Variants in PTPN14 observed in about 807,000 individuals in gnomAD.
PTPN14 encodes protein tyrosine phosphatase non-receptor type 14, also known as tyrosine-protein phosphatase non-receptor type 14.
PTPN14 carries 53 observed loss-of-function variants against 126.8 expected under a neutral mutation model. The ratio of observed to expected loss-of-function variants is 0.42; its 90% CI spans 0.34 to 0.53. The LOEUF (loss-of-function observed/expected upper bound fraction) is 0.53, where lower values mean the gene tolerates loss of function less well. Among genes scored for constraint, PTPN14 ranks in the 20% least tolerant of loss-of-function variants. PTPN14 has a pLI of 0.08. For synonymous variants in PTPN14, 630 were observed against 599.3 expected, an observed-to-expected ratio of 1.05 and a Z score of -0.75; for missense variants, 1,257 against 1,552.9, an observed-to-expected ratio of 0.81 and a Z score of 3.20.
At chr1:214,398,338 G>A (rs1279981002) in intron 7 of PTPN14, among the ~76,000 whole-genome samples, 1 of 152,220 alleles carries the variant, frequency 6.6e-6, no homozygotes, top group Non-Finnish European at 1.5e-5. Flanking sequence ...TGGAGAATGG[G>A]AGGAATGGGG....
At position 214,521,097 on chromosome 1, in the gene PTPN14, G is replaced by GT. The variant is rs536374038; in HGVS notation, c.-155+30085dup. ...GAAATTTATCTTTGGAGAAATAACAGTTTTTTTAAAGGAAGCTCAATGCAA... is the reference window on the plus strand; with the variant it reads ...GAAATTTATCTTTGGAGAAATAACAGTTTTTTTTAAAGGAAGCTCAATGCAA... On this transcript the variant is annotated intron_variant, in intron 1 of 18. Coordinates refer to ENST00000366956, the MANE Select transcript of PTPN14 (RefSeq NM_005401.5). 8.2e-3 allele frequency among the ~76,000 whole-genome samples: 1,253 copies of GT among 152,194 alleles called. 15 individuals are homozygous for GT. The highest frequency in any genetic ancestry group is 0.029 in the African/African-American group (1,186 of 41,528).
Position 214,491,441 on chromosome 1 carries a change from G to T in PTPN14, c.-154-26484C>A, listed in dbSNP as rs1370188890. Among the ~76,000 whole-genome samples the T allele has an allele frequency of 2.0e-5, 3 of 152,136 alleles. No individual in the cohort carries two copies. The East Asian group carries it at 5.8e-4, about 29-fold the overall frequency. ...AGGAAGACAATCCTTCCACAAATGG[G>T]AGTGGGGAGCGATGGTTTTGGAATA... On this transcript the variant is annotated intron_variant, in intron 1 of 18. Coordinates refer to ENST00000366956, the MANE Select transcript of PTPN14 (RefSeq NM_005401.5).
In PTPN14 at chr1:214,421,647, T is replaced by C. The variant is rs150189093; in HGVS notation, c.345-6921A>G. Among the ~76,000 whole-genome samples the C allele has an allele frequency of 9.1e-3, 1,385 of 152,266 alleles. 19 individuals carry two copies. The highest frequency in any genetic ancestry group is 0.011 in the Non-Finnish European group (761 of 68,016). On this transcript the variant is annotated intron_variant, in intron 3 of 18. Coordinates refer to ENST00000366956, the MANE Select transcript of PTPN14 (RefSeq NM_005401.5). ...CCTAATCAGGAAAAAATCCAAACTC[T>C]TGACACAATACACCAGGCTCTTCAC...
chr1:214,462,188 A>G lies in PTPN14; in HGVS notation c.174+2442T>C, dbSNP rs553352101. 2.8e-3 allele frequency among the ~76,000 whole-genome samples: 428 copies of G among 152,332 alleles called. 2 individuals carry two copies. The highest frequency in any genetic ancestry group is 4.5e-3 in the Non-Finnish European group (305 of 68,024). On this transcript the variant is annotated intron_variant, in intron 2 of 18. Transcript: ENST00000366956. The stretch of plus-strand genomic sequence containing the variant: ...GACGTGTCAAAATAAAGTCAGTATT[A>G]AACACAAACCCCACCTCAGCAATGG...
At chr1:214,408,404 T>C (rs1196564179) in intron 5 of PTPN14, among the ~76,000 whole-genome samples, 1 of 152,164 alleles carries the variant, frequency 6.6e-6, no homozygotes, top group African/African-American at 2.4e-5. Context: ...CTCTTCTCTT[T>C]TACTCTGAAG....
chr1:214,396,785 G>C (rs1172010490), intron 8 of PTPN14, among the ~76,000 whole-genome samples: 1 of 152,306 alleles, frequency 6.6e-6, no homozygotes, highest in South Asian at 2.1e-4. Flanking sequence ...CTGTGCTGTA[G>C]GTTCAAACAG....
chr1:214,389,957 G>T (rs897713069), intron 11 of PTPN14, among the ~76,000 whole-genome samples: 1 of 152,156 alleles, frequency 6.6e-6, no homozygotes, highest in Non-Finnish European at 1.5e-5. Flanking sequence ...ATTCACACAG[G>T]CACTCAGGAA....
At chr1:214,522,087 C>G (rs558306154) in intron 1 of PTPN14, among the ~76,000 whole-genome samples, 270 of 151,812 alleles carry the variant, frequency 1.8e-3, no homozygotes, top group African/African-American at 6.4e-3. Context: ...GAGGTGTGCA[C>G]CGTCACACCC....
At chr1:214,380,146 T>C (rs1658439317) in intron 13 of PTPN14, among the ~76,000 whole-genome samples, 1 of 152,220 alleles carries the variant, frequency 6.6e-6, no homozygotes, top group Non-Finnish European at 1.5e-5. Flanking sequence ...TTCTTTCTTT[T>C]TTTTTATTTC....
intron 1 of PTPN14, among the ~76,000 whole-genome samples, chr1:214,481,187 C>T (rs372110751): frequency 6.6e-6 from 1 of 152,128 alleles, no homozygotes; most frequent in Non-Finnish European, 1.5e-5. Context: ...ACAGAAGCAA[C>T]TGCAGGGTCA....
rs60660981 is a variant in PTPN14, at chr1:214,469,660, A to AT, written c.-154-4704dup. On this transcript the variant is annotated intron_variant, in intron 1 of 18. Coordinates refer to ENST00000366956, the MANE Select transcript of PTPN14 (RefSeq NM_005401.5). ...TAGAGCCCTCATTATATTTACTGTA[A>AT]TTTTTTTTTTTAAGAGAAAGGTCCA... 7.1e-4 allele frequency among the ~76,000 whole-genome samples: 106 copies of AT among 148,978 alleles called. 1 individual carries two copies. The highest frequency in any genetic ancestry group is 6.4e-3 in the South Asian group (30 of 4,722).
Position 214,389,765 on chromosome 1 carries a change from A to G in PTPN14, c.987+1223T>C, listed in dbSNP as rs567096867. Among the ~76,000 whole-genome samples, 8 of 152,368 alleles carry G rather than the reference A, an allele frequency of 5.3e-5. No homozygotes were observed. The East Asian group carries it at 1.3e-3, about 26-fold the overall frequency. On this transcript the variant is annotated intron_variant, in intron 11 of 18. Coordinates refer to ENST00000366956, the MANE Select transcript of PTPN14 (RefSeq NM_005401.5). ...GGTGTAAATGAAAAATTATTTTGCT[A>G]ATAAAGACATCTATACTCTAAAGAA...
intron 1 of PTPN14, among the ~76,000 whole-genome samples, chr1:214,545,266 G>T (rs566856260): frequency 6.6e-6 from 1 of 152,314 alleles, no homozygotes; most frequent in East Asian, 1.9e-4. Context: ...AAGAGCAGAA[G>T]TTTATTTGGC....
At chr1:214,361,250 G>C (rs193011904) in intron 18 of PTPN14, among the ~76,000 whole-genome samples, 2 of 152,124 alleles carry the variant, frequency 1.3e-5, no homozygotes, top group Non-Finnish European at 1.5e-5. Context: ...AGAATAGTGC[G>C]TATACATGGT....
chr1:214,441,948 T>G (rs1475611233), intron 3 of PTPN14, among the ~76,000 whole-genome samples: 1 of 152,212 alleles, frequency 6.6e-6, no homozygotes, highest in African/African-American at 2.4e-5. Context: ...AAAGAACAAT[T>G]TGGAATCAAT....
chr1:214,501,490 C>T (rs1197267300), intron 1 of PTPN14, among the ~76,000 whole-genome samples: 1 of 152,108 alleles, frequency 6.6e-6, no homozygotes, highest in African/African-American at 2.4e-5. Flanking sequence ...GATCCACCCT[C>T]CTCAGCCTCC....
intron 3 of PTPN14, among the ~76,000 whole-genome samples, chr1:214,417,294 A>C (rs560206294): frequency 4.6e-5 from 7 of 152,170 alleles, no homozygotes; most frequent in Non-Finnish European, 1.0e-4. Flanking sequence ...TTAAAGATTA[A>C]CTTTTTATTA....
In PTPN14 at chr1:214,457,606, T is replaced by C. The variant is rs186970395; in HGVS notation, c.175-5632A>G. Among the ~76,000 whole-genome samples, 1,100 of 152,318 alleles carry C rather than the reference T, an allele frequency of 7.2e-3. 16 individuals carry two copies. The highest frequency in any genetic ancestry group is 0.025 in the African/African-American group (1,031 of 41,566). ...TCACTATTACCATTAAATGCCCCCT[T>C]TGCGTTTCTTAGAATAGCACTGTTC... On this transcript the variant is annotated intron_variant, in intron 2 of 18. Transcript: ENST00000366956.
rs141700034 is a variant in PTPN14, at chr1:214,388,551, C to T, written c.988-1629G>A. Among the ~76,000 whole-genome samples, 1,206 of 152,090 alleles carry T rather than the reference C, an allele frequency of 7.9e-3. 61 individuals are homozygous for T. In the South Asian group the frequency reaches 0.16, roughly 20 times the overall value. On this transcript the variant is annotated intron_variant, in intron 11 of 18. Transcript: ENST00000366956. ...CCTCCCTAGTAGCTGGGATTACAGA[C>T]GCTGTGCCACCAGGCCCTTCTAGTT...
Sources: gnomAD v4.1 joint callset for allele counts (sites outside exome capture counted in the v4.1 genomes callset) on GRCh38, gnomAD v4.1.1 for gene constraint, MANE v1.5 for transcripts, NCBI Gene and HGNC (gene_info 2026-07-23, HGNC 2026-07-21) for gene names.